POU2F3: variants seen among roughly 807,000 people sequenced by gnomAD.
POU2F3 encodes POU class 2 homeobox 3.
POU2F3 carries 23 observed loss-of-function variants against 59.2 expected under a neutral mutation model. That is an observed-to-expected ratio of 0.39 (90% CI 0.28 to 0.55). POU2F3 has a LOEUF of 0.55. Among genes scored for constraint, POU2F3 ranks in the 20% least tolerant of loss-of-function variants. The pLI is 0.66. For missense variants in POU2F3, 473 were observed against 544.5 expected, an observed-to-expected ratio of 0.87 and a Z score of 1.31; for synonymous variants, 190 against 214.6, an observed-to-expected ratio of 0.89 and a Z score of 1.00.
intron 8 of POU2F3, among the ~76,000 whole-genome samples, chr11:120,306,267 C>T (rs576417605): frequency 1.3e-5 from 2 of 152,204 alleles, no homozygotes; most frequent in East Asian, 3.9e-4. Context: ...TTACTGCAAC[C>T]CATGCTGGTC....
At chr11:120,246,545 A>C in intron 2 of POU2F3, 28 bp downstream of exon 2, 30 of 1,418,034 alleles carry the variant, frequency 2.1e-5, no homozygotes, top group Middle Eastern at 1.8e-4. Context: ...TCGGGGATGG[A>C]GGGGGTGGGG....
chr11:120,247,445 C>T (rs988673619), intron 2 of POU2F3, among the ~76,000 whole-genome samples: 3 of 152,162 alleles, frequency 2.0e-5, no homozygotes, highest in African/African-American at 7.2e-5. Flanking sequence ...GGAGGGCATC[C>T]ACAGTATGCA....
At chr11:120,239,022 A>G (rs184223000), upstream of POU2F3, among the ~76,000 whole-genome samples, 60 of 152,188 alleles carry the variant, frequency 3.9e-4, no homozygotes, top group Non-Finnish European at 7.5e-4. Flanking sequence ...GGCACACGAA[A>G]TGCTGGGTGT....
chr11:120,247,826 C>T (rs1352907229), intron 2 of POU2F3, among the ~76,000 whole-genome samples: 1 of 152,204 alleles, frequency 6.6e-6, no homozygotes, highest in Non-Finnish European at 1.5e-5. Flanking sequence ...GCTGGATTGC[C>T]CTTTTCTGGA....
intron 4 of POU2F3, 37 bp downstream of exon 4, chr11:120,298,427 A>T (rs1450809788): frequency 6.2e-7 from 1 of 1,609,516 alleles, no homozygotes; most frequent in East Asian, 2.2e-5. Flanking sequence ...CAGTGTGTTT[A>T]ACCCAATCCC....
chr11:120,288,611 A>T (rs1486303002), intron 3 of POU2F3, among the ~76,000 whole-genome samples: 3 of 152,166 alleles, frequency 2.0e-5, no homozygotes, highest in Admixed American at 1.3e-4. Flanking sequence ...CAATCTCATG[A>T]AAGTATTCTG....
chr11:120,287,878 A>G (rs1940841304), intron 3 of POU2F3, among the ~76,000 whole-genome samples: 1 of 152,108 alleles, frequency 6.6e-6, no homozygotes, highest in South Asian at 2.1e-4. Flanking sequence ...ATGAGACCTC[A>G]AGCCAGGCCC....
At chr11:120,288,128 CAAAAA>C in intron 3 of POU2F3, among the ~76,000 whole-genome samples, 9 of 63,330 alleles carry the variant, frequency 1.4e-4, no homozygotes, top group African/African-American at 6.2e-4. Context: ...ACAAAAAAAC[CAAAAA>C]AAAAAAAAAA....
intron 5 of POU2F3, chr11:120,301,221 T>G (rs1941339305): frequency 2.6e-6 from 1 of 379,794 alleles, no homozygotes; most frequent in Non-Finnish European, 5.2e-6. Flanking sequence ...AGCTTCCATT[T>G]CCTCTTCTGA....
intron 3 of POU2F3, among the ~76,000 whole-genome samples, chr11:120,287,668 G>A (rs1306528253): frequency 6.6e-6 from 1 of 151,278 alleles, no homozygotes; most frequent in Non-Finnish European, 1.5e-5. Context: ...ACTGTCAATT[G>A]AGTAGGTTCA....
At chr11:120,241,203 G>A (rs567387246) in intron 1 of POU2F3, among the ~76,000 whole-genome samples, 3 of 152,324 alleles carry the variant, frequency 2.0e-5, no homozygotes, top group South Asian at 2.1e-4. Flanking sequence ...TGAAGAAAGC[G>A]GTACCTGACC....
At chr11:120,283,418 T>A (rs140585661) in intron 3 of POU2F3, among the ~76,000 whole-genome samples, 1 of 152,284 alleles carries the variant, frequency 6.6e-6, no homozygotes, top group East Asian at 1.9e-4. Flanking sequence ...CAGCATCCAG[T>A]GGGCTGCCCC....
chr11:120,255,562 G>A (rs1273432857), intron 2 of POU2F3, among the ~76,000 whole-genome samples: 1 of 152,080 alleles, frequency 6.6e-6, no homozygotes, highest in Non-Finnish European at 1.5e-5. Flanking sequence ...TTCTTGAGGA[G>A]GGAAGCGTGG....
At chr11:120,315,326 G>A (rs1044522835) in intron 10 of POU2F3, 35 bp from the exon 11 acceptor site, 1 of 1,578,732 alleles carries the variant, frequency 6.3e-7, no homozygotes, top group Non-Finnish European at 8.7e-7. Flanking sequence ...GAAGGGAGCA[G>A]AAATGGACAT....
chr11:120,245,146 T>C (rs1938818779), intron 1 of POU2F3, among the ~76,000 whole-genome samples: 1 of 152,160 alleles, frequency 6.6e-6, no homozygotes, highest in Non-Finnish European at 1.5e-5. Context: ...TCTGGGGTAT[T>C]CTAGCCTCTA....
At position 120,251,793 on chromosome 11, in the gene POU2F3, C is replaced by CTTTT. The variant is rs547326332; in HGVS notation, c.97+5294_97+5297dup. Among the ~76,000 whole-genome samples, 16 of 125,242 alleles carry CTTTT rather than the reference C, an allele frequency of 1.3e-4. No homozygotes were observed. In the East Asian group the frequency reaches 1.5e-3, roughly 12 times the overall value. The allele number at this position is 125,242 out of a possible 152,430, so 82.2% of individuals were successfully genotyped here. A position where few individuals can be genotyped will look rare whatever the true frequency, so the allele number is the denominator to read the frequency against. On this transcript the variant is annotated intron_variant, in intron 2 of 12. Transcript: ENST00000543440. ...CAACCCCACGTTTTCTCTTGGCTGC[C>CTTTT]TTTTTTTTTTTTTTTTTTTTTGACA...
At chr11:120,301,322 G>A (rs190617795) in intron 5 of POU2F3, 131 of 241,638 alleles carry the variant, frequency 5.4e-4, no homozygotes, top group Non-Finnish European at 1.8e-4. Context: ...CATTTCAACC[G>A]CCATGTCAGA....
intron 4 of POU2F3, among the ~76,000 whole-genome samples, chr11:120,299,163 A>G (rs1941274034): frequency 6.6e-6 from 1 of 152,100 alleles, no homozygotes; most frequent in African/African-American, 2.4e-5. Flanking sequence ...CTCCCACCCC[A>G]ACACCCTCCA....
chr11:120,277,774 C>T (rs1021257603), intron 3 of POU2F3, among the ~76,000 whole-genome samples: 1 of 151,670 alleles, frequency 6.6e-6, no homozygotes, highest in African/African-American at 2.4e-5. Flanking sequence ...AGCGAGACTC[C>T]GTTACAAAAA....
Sources: gnomAD v4.1 joint callset for allele counts (sites outside exome capture counted in the v4.1 genomes callset) on GRCh38, gnomAD v4.1.1 for gene constraint, MANE v1.5 for transcripts, NCBI Gene and HGNC (gene_info 2026-07-23, HGNC 2026-07-21) for gene names.